MAN2A1: variants seen among roughly 807,000 people sequenced by gnomAD.
MAN2A1 encodes the protein alpha-mannosidase 2.
MAN2A1 carries 76 observed loss-of-function variants against 142.6 expected under a neutral mutation model. The ratio of observed to expected loss-of-function variants is 0.53; its 90% CI spans 0.44 to 0.65. The LOEUF is 0.65. Among genes scored for constraint, MAN2A1 ranks in the 30% least tolerant of loss-of-function variants. The pLI, the probability that MAN2A1 is intolerant of heterozygous loss-of-function variation, is 0.00. For synonymous variants in MAN2A1, 559 were observed against 473.2 expected, an observed-to-expected ratio of 1.18 and a Z score of -2.35; for missense variants, 1,311 against 1,365.1, an observed-to-expected ratio of 0.96 and a Z score of 0.62.
chr5:109,759,909 T>G (rs1014551417), intron 5 of MAN2A1, among the ~76,000 whole-genome samples: 2 of 152,002 alleles, frequency 1.3e-5, no homozygotes, highest in African/African-American at 4.8e-5. Flanking sequence ...TTTTCAAGTT[T>G]CTAAGTCTTT....
chr5:109,785,522 A>T (rs1212208614), intron 10 of MAN2A1, among the ~76,000 whole-genome samples: 1 of 152,102 alleles, frequency 6.6e-6, no homozygotes, highest in Non-Finnish European at 1.5e-5. Context: ...GGGCTCTCAG[A>T]TGGGCAAGGG....
At chr5:109,734,723 G>A (rs1285476644) in intron 4 of MAN2A1, among the ~76,000 whole-genome samples, 1 of 152,142 alleles carries the variant, frequency 6.6e-6, no homozygotes, top group Admixed American at 6.5e-5. Flanking sequence ...TGATTGCACT[G>A]TGGTCTGAGA....
intron 4 of MAN2A1, among the ~76,000 whole-genome samples, chr5:109,747,269 A>G (rs1282503464): frequency 6.6e-6 from 1 of 152,184 alleles, no homozygotes; most frequent in Non-Finnish European, 1.5e-5. Context: ...AATATTTTAC[A>G]TAGACATAAA....
chr5:109,816,390 A>G (rs540281561), intron 12 of MAN2A1, among the ~76,000 whole-genome samples: 3 of 152,202 alleles, frequency 2.0e-5, no homozygotes, highest in African/African-American at 7.2e-5. Flanking sequence ...TATTGCCTAA[A>G]CTTATTTTAA....
chr5:109,783,960 G>A (rs1044572075), intron 9 of MAN2A1, among the ~76,000 whole-genome samples: 3 of 151,864 alleles, frequency 2.0e-5, no homozygotes, highest in Non-Finnish European at 4.4e-5. Flanking sequence ...CAAACTCTTG[G>A]GCTCAAGTGA....
intron 21 of MAN2A1, among the ~76,000 whole-genome samples, chr5:109,865,691 T>C (rs1755861995): frequency 6.6e-6 from 1 of 152,246 alleles, no homozygotes; most frequent in Non-Finnish European, 1.5e-5. Context: ...GTCTTCTGAT[T>C]AATGCAGATT....
At chr5:109,755,202 T>C (rs887686298) in intron 4 of MAN2A1, 127 bp from the exon 5 acceptor site, 1 of 693,616 alleles carries the variant, frequency 1.4e-6, no homozygotes, top group Non-Finnish European at 2.4e-6. Context: ...TTTAAACACA[T>C]TTTTTGACAA....
chr5:109,690,582 C>T, intron 1 of MAN2A1, 30 bp downstream of exon 1: 1 of 1,563,834 alleles, frequency 6.4e-7, no homozygotes, highest in Non-Finnish European at 8.7e-7. Flanking sequence ...GCGCGGGGCT[C>T]CGAGGGGCCA....
chr5:109,837,437 C>CT (rs1755087154), intron 16 of MAN2A1, among the ~76,000 whole-genome samples: 1 of 152,078 alleles, frequency 6.6e-6, no homozygotes, highest in Non-Finnish European at 1.5e-5. Context: ...TACAAGGCCT[C>CT]TCCCAGCCCT....
intron 1 of MAN2A1, among the ~76,000 whole-genome samples, chr5:109,695,565 GT>G (rs758011603): frequency 1.3e-5 from 2 of 152,256 alleles, no homozygotes; most frequent in East Asian, 3.9e-4. Flanking sequence ...AGGAGTCTTA[GT>G]TTTCCCTTGT....
At chr5:109,844,369 T>G (rs1043752065) in intron 17 of MAN2A1, among the ~76,000 whole-genome samples, 16 of 152,186 alleles carry the variant, frequency 1.1e-4, no homozygotes, top group African/African-American at 3.9e-4. Context: ...GGAATCGGGG[T>G]AGCAACAACA....
At chr5:109,793,781 T>C (rs752033209) in intron 12 of MAN2A1, among the ~76,000 whole-genome samples, 2 of 152,206 alleles carry the variant, frequency 1.3e-5, no homozygotes, top group African/African-American at 2.4e-5. Flanking sequence ...ATGTTCAGAA[T>C]GGATGGATAT....
chr5:109,825,825 C>G (rs1035815563), intron 16 of MAN2A1, among the ~76,000 whole-genome samples: 1 of 151,804 alleles, frequency 6.6e-6, no homozygotes, highest in Non-Finnish European at 1.5e-5. Context: ...TCAATGTAGC[C>G]CATTTCTATT....
At chr5:109,772,585 G>T (rs1353055285) in intron 7 of MAN2A1, among the ~76,000 whole-genome samples, 1 of 152,012 alleles carries the variant, frequency 6.6e-6, no homozygotes, top group African/African-American at 2.4e-5. Flanking sequence ...TAGCTCACTG[G>T]AGCCTCCATC....
intron 4 of MAN2A1, among the ~76,000 whole-genome samples, chr5:109,742,933 C>T (rs1046301204): frequency 3.3e-5 from 5 of 152,188 alleles, no homozygotes; most frequent in African/African-American, 1.2e-4. Flanking sequence ...ATCCTTCCAC[C>T]TCTCATTCCC....
chr5:109,807,544 A>C (rs1754198884), intron 12 of MAN2A1, among the ~76,000 whole-genome samples: 1 of 152,098 alleles, frequency 6.6e-6, no homozygotes, highest in East Asian at 1.9e-4. Flanking sequence ...GATGACCTGC[A>C]TTGCTTGGCC....
chr5:109,868,320 C>T lies in MAN2A1; in HGVS notation c.*1322C>T, dbSNP rs1489880988. The T allele has an allele frequency of 6.6e-6, 1 of 152,136 alleles. No homozygotes were observed. Among genetic ancestry groups the T allele is most frequent in the Non-Finnish European group, 1.5e-5 (1 of 68,012 alleles). 9.4% of individuals were successfully genotyped at this position (152,136 alleles called of 1,614,324 possible). ...GCTAACCTTAAAGTGAAGTTCTGAG[C>T]CCGTGTGCCATTACAGTGCTTTTAA... On this transcript the variant is annotated 3_prime_UTR_variant, in exon 22 of 22. Transcript: ENST00000261483.
At chr5:109,745,790 A>G (rs1458342916) in intron 4 of MAN2A1, among the ~76,000 whole-genome samples, 3 of 151,982 alleles carry the variant, frequency 2.0e-5, no homozygotes, top group Non-Finnish European at 4.4e-5. Flanking sequence ...GCCAATTTTT[A>G]TAATTTTGTA....
In MAN2A1 at chr5:109,845,895, C is replaced by A. The variant is rs746984569; in HGVS notation, c.2731C>A (p.Pro911Thr). Residue 911 changes from proline to threonine, a missense_variant, in exon 18 of 22, where the codon CCT (proline) becomes ACT (threonine). Pro to Thr is a conservative substitution (Grantham distance 38, BLOSUM62 -1). Transcript: ENST00000261483. ...ACCTAGAATGACACTGAGCAAATTG[C>A]CTCTTCAAGCAAATGTCTATCCCAT... ...IQPRMTLSKL[P>T]LQANVYPMTT... The A allele has an allele frequency of 1.1e-5, 17 of 1,613,222 alleles. No individual in the cohort carries two copies. The highest frequency in any genetic ancestry group is 1.1e-5 in the Non-Finnish European group (13 of 1,179,598).
Sources: gnomAD v4.1 joint callset for allele counts (sites outside exome capture counted in the v4.1 genomes callset) on GRCh38, gnomAD v4.1.1 for gene constraint, MANE v1.5 for transcripts, NCBI Gene and HGNC (gene_info 2026-07-23, HGNC 2026-07-21) for gene names.